MYH14: variants seen among roughly 807,000 people sequenced by gnomAD.
The protein encoded by MYH14 is myosin heavy chain 14, also known as myosin-14.
Under a neutral mutation model 255.5 loss-of-function variants are expected in MYH14, and 123 were observed. The ratio of observed to expected loss-of-function variants is 0.48; its 90% confidence interval spans 0.42 to 0.56. The LOEUF is 0.56. Among genes scored for constraint, MYH14 ranks in the 20% least tolerant of loss-of-function variants. MYH14 has a pLI of 0.00. For synonymous variants in MYH14, 1,095 were observed against 1,161.2 expected (o/e 0.94, Z 1.16); for missense variants, 2,423 against 2,802.3 (o/e 0.86, Z 3.06).
chr19:50,292,356 G>C lies in MYH14; in HGVS notation c.5223G>C (p.Lys1741Asn). ...ATCGGGAAAGTGAAAAGCGCCTCAA[G>C]GGCCTGGAGGCTGAGGTGCTGCGGC... Reference protein sequence around the residue: ...SQNRESEKRLKGLEAEVLRLQ... With the variant: ...SQNRESEKRLNGLEAEVLRLQ... The change falls in exon 37 of 43, where the codon AAG becomes AAC. Residue 1741 changes from lysine to asparagine, a missense_variant. Around this residue, in one of 3 missense-constraint regions of MYH14, gnomAD observed 1,513 missense variants for 1,674.8 expected, o/e 0.90. Coordinates refer to ENST00000642316, the MANE Select transcript of MYH14 (RefSeq NM_001145809.2). 1 of 1,591,042 alleles carries C rather than the reference G, an allele frequency of 6.3e-7. No homozygotes were observed. Among genetic ancestry groups the C allele is most frequent in the South Asian group, 1.2e-5 (1 of 86,942 alleles).
At position 50,266,381 on chromosome 19, in the gene MYH14, C is replaced by T. The variant is rs768033107; in HGVS notation, c.2695-496C>T. 6.6e-6 allele frequency among the ~76,000 whole-genome samples: 1 copy of T among 152,070 alleles called. No homozygotes were observed. The highest frequency in any genetic ancestry group is 1.5e-5 in the Non-Finnish European group (1 of 68,020). ...TTGGAGACCAGCCTGGCCAACATAG[C>T]GAAACCCTCTCTACTGAAAGCACAA... is the stretch of plus-strand genomic sequence containing the variant. On this transcript the variant is annotated intron_variant, in intron 22 of 42. Coordinates refer to ENST00000642316, the MANE Select transcript of MYH14 (RefSeq NM_001145809.2). The surrounding 1 kb of genome is among the most constrained non-coding windows in gnomAD (Gnocchi z 4.1).
Position 50,230,383 on chromosome 19 carries a change from C to A in MYH14, c.875-142C>A. ...GCACGGCTGCTCTTCCAGTTAGTGGCAAAGTCACCAGCCTGGGCTGTGAGC... is the reference window on the plus strand; with the variant it reads ...GCACGGCTGCTCTTCCAGTTAGTGGAAAAGTCACCAGCCTGGGCTGTGAGC... On this transcript the variant is annotated intron_variant, in intron 8 of 42. Transcript: ENST00000642316. This position sits in a 1 kb window ranked among gnomAD's most constrained non-coding sequence, Gnocchi z 4.7. 4.2e-6 allele frequency: 3 copies of A among 711,426 alleles called. No individual in the cohort carries two copies. The highest frequency in any genetic ancestry group is 2.4e-6 in the Non-Finnish European group (1 of 414,250). 44.1% of individuals were successfully genotyped at this position (711,426 alleles called of 1,614,324 possible). A position where few individuals can be genotyped will look rare whatever the true frequency, so the allele number is the denominator to read the frequency against.
chr19:50,300,438 A>C (rs1435576445), intron 39 of MYH14, among the ~76,000 whole-genome samples: 1 of 152,172 alleles, frequency 6.6e-6, no homozygotes, highest in South Asian at 2.1e-4. Flanking sequence ...TCTCTGTATC[A>C]CCATTTTATT....
intron 1 of MYH14, among the ~76,000 whole-genome samples, chr19:50,208,269 G>C (rs1318779893): frequency 1.3e-5 from 2 of 152,134 alleles, no homozygotes; most frequent in Non-Finnish European, 2.9e-5. Context: ...ACAAAAATTA[G>C]CCAGGCATAG....
intron 11 of MYH14, among the ~76,000 whole-genome samples, chr19:50,245,312 A>C (rs575263066): frequency 5.3e-5 from 8 of 151,370 alleles, no homozygotes; most frequent in African/African-American, 1.9e-4. Context: ...CCAGCTGCTC[A>C]GGAGGCTGAG....
Position 50,293,745 on chromosome 19 carries a change from C to T in MYH14, c.5469+58C>T. The T allele has an allele frequency of 1.3e-6, 2 of 1,483,478 alleles. No individual in the cohort carries two copies. Among genetic ancestry groups the T allele is most frequent in the East Asian group, 2.3e-5 (1 of 43,136 alleles). The allele number at this position is 1,483,478 out of a possible 1,614,324, so 91.9% of individuals were successfully genotyped here. ...GTCCCCATTGACCTGGGACCGTAAC[C>T]TTCAGTCCTCTTATTCAACAAATAT... On this transcript the variant is annotated intron_variant, in intron 39 of 42. Transcript: ENST00000642316. This position sits in a 1 kb window ranked among gnomAD's most constrained non-coding sequence, Gnocchi z 4.1.
intron 17 of MYH14, among the ~76,000 whole-genome samples, chr19:50,256,534 G>T (rs1216232833): frequency 6.6e-6 from 1 of 152,134 alleles, no homozygotes; most frequent in Non-Finnish European, 1.5e-5. Flanking sequence ...ACCACACCTG[G>T]CTTAATTTTT....
chr19:50,254,292 C>T (rs923267696), intron 16 of MYH14, among the ~76,000 whole-genome samples: 1 of 151,736 alleles, frequency 6.6e-6, no homozygotes, highest in African/African-American at 2.4e-5. Context: ...ACTCACAGAG[C>T]AAAACAGCAT....
chr19:50,242,104 G>T (rs544372232), intron 10 of MYH14, among the ~76,000 whole-genome samples: 157 of 152,312 alleles, frequency 1.0e-3, no homozygotes, highest in African/African-American at 3.6e-3. Context: ...GTGGGCTGTA[G>T]AAACCGTCCG....
At chr19:50,278,741 G>A (rs964268190) in intron 30 of MYH14, among the ~76,000 whole-genome samples, 5 of 151,046 alleles carry the variant, frequency 3.3e-5, no homozygotes, top group African/African-American at 9.7e-5. Flanking sequence ...TTGGGAGGCC[G>A]AGGCGGGCAG....
chr19:50,309,112 G>T lies in MYH14; in HGVS notation c.5895G>T (p.Leu1965=). ...QAGRRRLQRE[L]EDVTESAESM... ...GCCGCCGGAGGCTGCAGCGTGAGCT[G>T]GAAGATGTCACAGAGTCGGCCGAGT... is the stretch of plus-strand genomic sequence containing the variant. The change falls in exon 42 of 43, where the codon CTG becomes CTT. Residue 1965 remains leucine (L), a synonymous_variant. Coordinates refer to ENST00000642316, the MANE Select transcript of MYH14 (RefSeq NM_001145809.2). 6.2e-7 allele frequency: 1 copy of T among 1,613,932 alleles called. No individual in the cohort carries two copies. The highest frequency in any genetic ancestry group is 8.5e-7 in the Non-Finnish European group (1 of 1,179,834).
intron 19 of MYH14, among the ~76,000 whole-genome samples, chr19:50,259,800 C>T (rs2034754163): frequency 6.6e-6 from 1 of 152,036 alleles, no homozygotes; most frequent in Non-Finnish European, 1.5e-5. Context: ...ATCACTTGAA[C>T]CGGGAAGGGG....
intron 8 of MYH14, among the ~76,000 whole-genome samples, chr19:50,228,725 A>G (rs2033229754): frequency 6.6e-6 from 1 of 152,060 alleles, no homozygotes; most frequent in Non-Finnish European, 1.5e-5. Flanking sequence ...GCTTATATTC[A>G]TATTTGCCTT....
intron 20 of MYH14, 76 bp downstream of exon 20, chr19:50,260,791 G>C (rs1038671263): frequency 1.8e-6 from 2 of 1,131,420 alleles, no homozygotes; most frequent in Admixed American, 1.9e-5. Flanking sequence ...ATGTGTGTGT[G>C]CATGCATATG....
intron 39 of MYH14, 99 bp from the exon 40 acceptor site, chr19:50,301,562 C>A: frequency 1.2e-6 from 1 of 807,032 alleles, no homozygotes; most frequent in Non-Finnish European, 2.1e-6. Context: ...ATGCGTGTGA[C>A]AATCATCAGT....
chr19:50,204,692 C>A (rs1329143856), intron 1 of MYH14, among the ~76,000 whole-genome samples: 2 of 152,158 alleles, frequency 1.3e-5, no homozygotes, highest in African/African-American at 2.4e-5. Context: ...CCCAGGAGTT[C>A]GAGACCAGCT....
rs2036178722 is a variant in MYH14 at position 50,293,989 on chromosome 19, A to T, written c.5469+302A>T. 2.6e-5 allele frequency among the ~76,000 whole-genome samples: 4 copies of T among 152,318 alleles called. No homozygotes were observed. The South Asian group carries it at 8.3e-4, about 32-fold the overall frequency. On this transcript the variant is annotated intron_variant, in intron 39 of 42. Transcript: ENST00000642316. The surrounding 1 kb of genome is among the most constrained non-coding windows in gnomAD (Gnocchi z 4.1). ...CTTTCTGCAGGAGTCATAAGAAAACATTTGGAAAAAGAGACATTTGGCTGG... is the reference window on the plus strand; with the variant it reads ...CTTTCTGCAGGAGTCATAAGAAAACTTTTGGAAAAAGAGACATTTGGCTGG...
In MYH14 at chr19:50,257,425, C is replaced by A; in HGVS notation, c.2171C>A (p.Ala724Asp). Residue 724 changes from alanine (A) to aspartate (D), a missense_variant, in exon 18 of 43, where the codon GCC (alanine) becomes GAC (aspartate). Ala to Asp is a moderately radical substitution (Grantham distance 126, BLOSUM62 -2). Around this residue, in one of 3 missense-constraint regions of MYH14, gnomAD observed 672 missense variants for 881.8 expected, o/e 0.76. Coordinates refer to ENST00000642316, the MANE Select transcript of MYH14 (RefSeq NM_001145809.2). ...LYKESLSRLM[A>D]TLSNTNPSFV... is the part of the protein sequence containing the mutation. The stretch of plus-strand genomic sequence containing the variant: ...AAGGAGTCCCTGAGCCGCCTCATGG[C>A]CACACTCAGCAACACCAACCCCAGT... 6.8e-6 allele frequency: 11 copies of A among 1,608,190 alleles called. No individual in the cohort carries two copies. Among genetic ancestry groups the A allele is most frequent in the Non-Finnish European group, 9.3e-6 (11 of 1,177,234 alleles).
At position 50,292,243 on chromosome 19, in the gene MYH14, C is replaced by G. The variant is rs2036101279; in HGVS notation, c.5128-18C>G. On this transcript the variant is annotated intron_variant, in intron 36 of 42. Coordinates refer to ENST00000642316, the MANE Select transcript of MYH14 (RefSeq NM_001145809.2). ...GTGTGGCCAGGCTGAGCCCATCTAC[C>G]TATTCCGTTCCACCCAGGCCCAGAT... 1 of 1,595,550 alleles carries G rather than the reference C, an allele frequency of 6.3e-7. No individual in the cohort carries two copies. Among genetic ancestry groups the G allele is most frequent in the African/African-American group, 1.3e-5 (1 of 74,484 alleles).
Sources: allele counts gnomAD v4.1 joint callset (sites outside exome capture counted in the v4.1 genomes callset), GRCh38; gene constraint gnomAD v4.1.1; regional missense constraint gnomAD v4.1.1; non-coding constraint Gnocchi (gnomAD v3.1); transcripts MANE v1.5; gene names NCBI Gene and HGNC (gene_info 2026-07-23, HGNC 2026-07-21).